The following DNAH17 variants were observed in gnomAD, a reference collection of about 807,000 sequenced individuals.
DNAH17 encodes the protein axonemal beta dynein heavy chain 17.
A neutral mutation model predicts 485.6 loss-of-function variants in DNAH17; 376 were observed. The ratio of observed to expected loss-of-function variants is 0.77; its 90% CI spans 0.71 to 0.84. The LOEUF is 0.84. Among genes scored for constraint, DNAH17 ranks in the 40% least tolerant of loss-of-function variants. The probability of loss-of-function intolerance (pLI) is 0.00; values close to 1 mark genes in which losing one functional copy is unlikely to be tolerated. For missense variants in DNAH17, 6,370 were observed against 5,839.3 expected, an observed-to-expected ratio of 1.09 and a Z score of -2.96; for synonymous variants, 3,031 against 2,405.9, an observed-to-expected ratio of 1.26 and a Z score of -7.60.
intron 56 of DNAH17, among the ~76,000 whole-genome samples, chr17:78,464,061 G>T (rs1197932317): frequency 6.6e-6 from 1 of 152,154 alleles, no homozygotes; most frequent in Non-Finnish European, 1.5e-5. Context: ...CTAGGAAAAA[G>T]AGAAGCTAGT....
At chr17:78,428,181 A>G (rs2086544587) in intron 77 of DNAH17, 2 of 383,290 alleles carry the variant, frequency 5.2e-6, no homozygotes, top group Non-Finnish European at 1.0e-5. Flanking sequence ...TGTGCTGGCC[A>G]GGCCAGGGTG....
rs1013754927 is a variant in DNAH17, at chr17:78,478,898, C to T, written c.7992+127G>A. Reference sequence around the variant, plus strand: ...TTACCATCACCACCATTATTATCATCATTATCATTACCACCATCACCACCA... The same window carrying T: ...TTACCATCACCACCATTATTATCATTATTATCATTACCACCATCACCACCA... On this transcript the variant is annotated intron_variant, in intron 51 of 80. Coordinates refer to ENST00000389840, the MANE Select transcript of DNAH17 (RefSeq NM_173628.4). The T allele has an allele frequency of 2.0e-5, 15 of 732,998 alleles. No homozygotes were observed. The African/African-American group carries it at 2.5e-4, about 12-fold the overall frequency. 45.4% of individuals were successfully genotyped at this position (732,998 alleles called of 1,614,324 possible). A position where few individuals can be genotyped will look rare whatever the true frequency, so the allele number is the denominator to read the frequency against.
chr17:78,423,720 C>G lies in DNAH17; in HGVS notation c.*186G>C, dbSNP rs370782545. 1.5e-5 allele frequency: 11 copies of G among 712,310 alleles called. No individual in the cohort carries two copies. The African/African-American group carries it at 1.6e-4, about 10-fold the overall frequency. 44.1% of individuals were successfully genotyped at this position (712,310 alleles called of 1,614,324 possible). On this transcript the variant is annotated 3_prime_UTR_variant, in exon 81 of 81. Transcript: ENST00000389840. ...GCTGAGTGGCTCCACTGGCTTTAAT[C>G]TGCCCCACCTCTTCCACACCAACCT...
Position 78,567,105 on chromosome 17 carries a change from C to T in DNAH17, c.1346G>A (p.Arg449His), listed in dbSNP as rs748524638. 6.2e-6 allele frequency: 10 copies of T among 1,612,182 alleles called. No individual in the cohort carries two copies. The highest frequency in any genetic ancestry group is 1.3e-5 in the African/African-American group (1 of 74,876). The change falls in exon 10 of 81, where the codon CGT becomes CAT. Residue 449 changes from arginine (R) to histidine (H), a missense_variant. Transcript: ENST00000389840. ...CACCAGGCTCCCGAGGAGGTTCCCA[C>T]GCACGCCCCCAAGCTCGATTTTCTC... The part of the protein sequence containing the change: ...KLEKIELGGV[R>H]GNLLGSLVTR...
intron 14 of DNAH17, among the ~76,000 whole-genome samples, chr17:78,555,548 A>C (rs1313952490): frequency 4.7e-5 from 7 of 148,044 alleles, no homozygotes; most frequent in Admixed American, 1.3e-4. Context: ...CGTCACAAAA[A>C]AAAAAAAAAA....
Position 78,510,432 on chromosome 17 carries a change from C to T in DNAH17, c.4188G>A (p.Glu1396=). ...CGGCCTTGTCCACGATGTTGCGGAC[C>T]TCATCCTCGTAACTGTGGAGGTTCA... is the stretch of plus-strand genomic sequence containing the variant. ...LQLNLHSYED[E]VRNIVDKAVK... The change falls in exon 27 of 81, where the codon GAG becomes GAA. Residue 1396 remains glutamate, a synonymous_variant. Transcript: ENST00000389840. 2 of 1,613,710 alleles carry T rather than the reference C, an allele frequency of 1.2e-6. No homozygotes were observed. Among genetic ancestry groups the T allele is most frequent in the Non-Finnish European group, 1.7e-6 (2 of 1,179,764 alleles).
chr17:78,538,470 T>C (rs1466118945), intron 18 of DNAH17, among the ~76,000 whole-genome samples: 2 of 152,192 alleles, frequency 1.3e-5, no homozygotes, highest in African/African-American at 4.8e-5. Context: ...TGAGTCCCCA[T>C]TGGACCTGTG....
chr17:78,516,813 C>G (rs758557177), intron 25 of DNAH17, among the ~76,000 whole-genome samples: 1 of 151,962 alleles, frequency 6.6e-6, no homozygotes, highest in Non-Finnish European at 1.5e-5. Flanking sequence ...AAGCCTGTGT[C>G]TCCAAACATG....
Position 78,527,000 on chromosome 17 carries a change from C to T in DNAH17, c.3508-4G>A, listed in dbSNP as rs772911339. On this transcript the variant is annotated splice_region_variant and splice_polypyrimidine_tract_variant and intron_variant, in intron 22 of 80. Transcript: ENST00000389840. ...TTGCCCAGTGCTCCGGCAGCTCCTGCGGGAAGCAAAGGCAGAGGAGGGCTC... is the reference window on the plus strand; with the variant it reads ...TTGCCCAGTGCTCCGGCAGCTCCTGTGGGAAGCAAAGGCAGAGGAGGGCTC... 1.3e-5 allele frequency: 21 copies of T among 1,565,764 alleles called. No homozygotes were observed. The highest frequency in any genetic ancestry group is 1.7e-4 in the Middle Eastern group (1 of 6,014).
chr17:78,475,749 C>T lies in DNAH17; in HGVS notation c.8239G>A (p.Val2747Ile), dbSNP rs774478355. The T allele has an allele frequency of 2.5e-6, 4 of 1,613,876 alleles. No homozygotes were observed. Among genetic ancestry groups the T allele is most frequent in the Non-Finnish European group, 3.4e-6 (4 of 1,179,874 alleles). Reference protein sequence around the residue: ...QGIGDPKYVPVTDMAPLNKLL... With the variant: ...QGIGDPKYVPITDMAPLNKLL... ...TTGTTCAGAGGAGCCATGTCGGTTA[C>T]AGGAACATATTTGGGATCGCCAATC... The change falls in exon 53 of 81, where the codon GTA (valine) becomes ATA (isoleucine). Residue 2747 changes from valine to isoleucine, a missense_variant. By Grantham distance (29) the Val-to-Ile change is conservative. Transcript: ENST00000389840.
intron 47 of DNAH17, chr17:78,485,237 G>A (rs373956696): frequency 1.5e-6 from 1 of 687,944 alleles, no homozygotes; most frequent in Non-Finnish European, 2.4e-6. Context: ...TCAGAGGCGA[G>A]GGTGGCAGGA....
In DNAH17 at chr17:78,532,528, T is replaced by A; in HGVS notation, c.3068A>T (p.Asp1023Val). 1 of 1,611,424 alleles carries A rather than the reference T, an allele frequency of 6.2e-7. No homozygotes were observed. Among genetic ancestry groups the A allele is most frequent in the South Asian group, 1.1e-5 (1 of 90,436 alleles). Residue 1023 changes from aspartate to valine, a missense_variant, in exon 20 of 81, where the codon GAC becomes GTC. By Grantham distance (152) the Asp-to-Val change is radical. Coordinates refer to ENST00000389840, the MANE Select transcript of DNAH17 (RefSeq NM_173628.4). ...GGTGGGCGGTGTCTTGGGGATGGTG[T>A]CATCTGTCCAGGTGTCCAAGTCCTC... The part of the protein sequence containing the change: ...TAEDLDTWTD[D>V]TIPKTPPTLA...
Position 78,532,726 on chromosome 17 carries a change from T to C in DNAH17, c.2870A>G (p.Glu957Gly). 1 of 1,591,364 alleles carries C rather than the reference T, an allele frequency of 6.3e-7. No homozygotes were observed. Among genetic ancestry groups the C allele is most frequent in the South Asian group, 1.1e-5 (1 of 87,544 alleles). Reference protein sequence around the residue: ...KDRMNYKMDLEDNTDLIEMRE... With the variant: ...KDRMNYKMDLGDNTDLIEMRE... ...CATCTCTATGAGGTCTGTGTTATCT[T>C]CCAGGTCCATCTGAAAGGGGCAGGG... The change falls in exon 20 of 81, where the codon GAA (glutamate) becomes GGA (glycine). Residue 957 changes from glutamate (E) to glycine (G), a missense_variant. By Grantham distance (98) the Glu-to-Gly change is moderately conservative. Transcript: ENST00000389840.
At chr17:78,574,678 C>A in intron 2 of DNAH17, 35 bp downstream of exon 2, 1 of 1,553,230 alleles carries the variant, frequency 6.4e-7, no homozygotes, top group Non-Finnish European at 8.7e-7. Flanking sequence ...GTCGGTCGTG[C>A]TCGACACCCC....
At chr17:78,516,012 T>A (rs545252131) in intron 25 of DNAH17, among the ~76,000 whole-genome samples, 13 of 152,142 alleles carry the variant, frequency 8.5e-5, no homozygotes, top group Non-Finnish European at 5.9e-5. Flanking sequence ...CTGCTAGTCA[T>A]TGAGGGAATG....
In DNAH17 at chr17:78,507,749, G is replaced by A. The variant is rs376417383; in HGVS notation, c.4293C>T (p.His1431=). Reference sequence around the variant, plus strand: ...TGAGCATCATGGTGCCTGTCCGCGGGTGCGGCTCGTGCTGGAATTCCATCA... The same window carrying A: ...TGAGCATCATGGTGCCTGTCCGCGGATGCGGCTCGTGCTGGAATTCCATCA... ...WSMMEFQHEP[H]PRTGTMMLKS... The change falls in exon 28 of 81, where the codon CAC becomes CAT. Residue 1431 remains histidine (H), a synonymous_variant. Coordinates refer to ENST00000389840, the MANE Select transcript of DNAH17 (RefSeq NM_173628.4). 1.3e-6 allele frequency: 2 copies of A among 1,591,502 alleles called. No individual in the cohort carries two copies. The highest frequency in any genetic ancestry group is 2.2e-5 in the South Asian group (2 of 89,712).
At chr17:78,504,224 C>A (rs966861696) in intron 31 of DNAH17, among the ~76,000 whole-genome samples, 18 of 151,988 alleles carry the variant, frequency 1.2e-4, no homozygotes, top group African/African-American at 4.1e-4. Flanking sequence ...TGCCACCACA[C>A]CTGGTTAATT....
intron 64 of DNAH17, among the ~76,000 whole-genome samples, chr17:78,453,872 G>GT (rs2087666583): frequency 2.0e-5 from 3 of 151,728 alleles, no homozygotes; most frequent in Admixed American, 2.0e-4. Flanking sequence ...TTGTTTGTTT[G>GT]TTTTTTGTTT....
At chr17:78,493,900 C>G (rs755426242) in intron 41 of DNAH17, 136 bp downstream of exon 41, 3 of 1,296,690 alleles carry the variant, frequency 2.3e-6, no homozygotes, top group South Asian at 3.2e-5. Context: ...TGGCCCATGA[C>G]TCAGGCCGGA....
Sources: gnomAD v4.1 joint callset for allele counts (sites outside exome capture counted in the v4.1 genomes callset) on GRCh38, gnomAD v4.1.1 for gene constraint, MANE v1.5 for transcripts, NCBI Gene and HGNC (gene_info 2026-07-23, HGNC 2026-07-21) for gene names.